FASTKD1: variants seen among roughly 807,000 people sequenced by gnomAD.
The protein encoded by FASTKD1 is FAST kinase domain-containing protein 1, mitochondrial.
FASTKD1 carries 94 observed loss-of-function variants against 90.9 expected under a neutral mutation model. That is an observed-to-expected ratio of 1.03 (90% confidence interval 0.88 to 1.23). FASTKD1 has a LOEUF of 1.23. Ranked by LOEUF, FASTKD1 falls within the 50% of genes most tolerant of loss-of-function variation. The pLI, the probability that FASTKD1 is intolerant of heterozygous loss-of-function variation, is 0.00. For missense variants in FASTKD1, 945 were observed against 993.5 expected, an observed-to-expected ratio of 0.95 and a Z score of 0.66; for synonymous variants, 319 against 345.8, an observed-to-expected ratio of 0.92 and a Z score of 0.86.
chr2:169,562,670 T>C (rs1443973709), intron 4 of FASTKD1, among the ~76,000 whole-genome samples: 1 of 152,148 alleles, frequency 6.6e-6, no homozygotes, highest in Non-Finnish European at 1.5e-5. Flanking sequence ...CTGACTGCCT[T>C]TGTTCAGAAC....
chr2:169,545,673 C>A (rs1270913504), intron 8 of FASTKD1, among the ~76,000 whole-genome samples: 2 of 152,172 alleles, frequency 1.3e-5, no homozygotes, highest in Admixed American at 6.5e-5. Context: ...TCTCAGTTTT[C>A]AAGCTTATCT....
In FASTKD1 at chr2:169,530,627, T is replaced by A; in HGVS notation, c.2402A>T (p.Lys801Ile). 4 of 1,609,792 alleles carry A rather than the reference T, an allele frequency of 2.5e-6. No individual in the cohort carries two copies. Among genetic ancestry groups the A allele is most frequent in the Non-Finnish European group, 3.4e-6 (4 of 1,178,812 alleles). ...IPHMKGKSAM[K>I]KRHLEILGYR... ...CCCCAGAATTTCCAAATGTCGTTTT[T>A]TCATAGCAGATTTTCCTTTCATGTG... The change falls in exon 14 of 15, where the codon AAA (lysine) becomes ATA (isoleucine). Residue 801 changes from lysine (K) to isoleucine (I), a missense_variant. Transcript: ENST00000453153.
chr2:169,544,596 CTT>C (rs1685102190), intron 9 of FASTKD1, 123 bp downstream of exon 9: 1 of 652,422 alleles, frequency 1.5e-6, no homozygotes, highest in African/African-American at 1.9e-5. Context: ...AACAAAAAAC[CTT>C]TTTTTAGGTA....
At position 169,531,473 on chromosome 2, in the gene FASTKD1, CCAAGATA is replaced by C. The variant is rs766998619; in HGVS notation, c.2199_2205del (p.Cys733TrpfsTer15). 6.2e-7 allele frequency: 1 copy of C among 1,605,694 alleles called. No homozygotes were observed. Among genetic ancestry groups the C allele is most frequent in the Non-Finnish European group, 8.5e-7 (1 of 1,177,694 alleles). ...TACGGAAGAGGTTTTTTTCTTTTATCCAAGATACACTCAAAATCTTAAGGAAGCATAG... is the reference window on the plus strand; with the variant it reads ...TACGGAAGAGGTTTTTTTCTTTTATCCACTCAAAATCTTAAGGAAGCATAG... On this transcript the variant is annotated frameshift_variant, in exon 13 of 15. Coordinates refer to ENST00000453153, the MANE Select transcript of FASTKD1 (RefSeq NM_024622.6). LOFTEE classifies it high-confidence loss of function.
chr2:169,531,026 T>C (rs763446561), intron 13 of FASTKD1: 1 of 664,956 alleles, frequency 1.5e-6, no homozygotes, highest in Non-Finnish European at 2.8e-6. Flanking sequence ...ACATGATGTA[T>C]AGTAAGTTAC....
intron 9 of FASTKD1, 68 bp downstream of exon 9, chr2:169,544,653 T>C (rs1685104220): frequency 2.3e-6 from 2 of 860,782 alleles, no homozygotes; most frequent in Non-Finnish European, 3.9e-6. Context: ...GAGGGACATC[T>C]CCTAGCTCAG....
intron 9 of FASTKD1, among the ~76,000 whole-genome samples, chr2:169,540,906 G>C (rs1684931835): frequency 6.6e-6 from 1 of 152,160 alleles, no homozygotes; most frequent in South Asian, 2.1e-4. Flanking sequence ...CAGCAGCATG[G>C]CAGATGCCCC....
At chr2:169,534,085 C>T (rs1684611539) in intron 12 of FASTKD1, among the ~76,000 whole-genome samples, 1 of 143,376 alleles carries the variant, frequency 7.0e-6, no homozygotes, top group Admixed American at 7.5e-5. Flanking sequence ...GTGGGAGAAT[C>T]ACTTGAGCTC....
At chr2:169,539,124 C>T (rs1330389041) in intron 10 of FASTKD1, among the ~76,000 whole-genome samples, 1 of 151,592 alleles carries the variant, frequency 6.6e-6, no homozygotes, top group African/African-American at 2.4e-5. Flanking sequence ...AAAAATTAGC[C>T]GGGCATGGTG....
At chr2:169,561,686 C>A (rs1332179590) in intron 4 of FASTKD1, among the ~76,000 whole-genome samples, 1 of 147,236 alleles carries the variant, frequency 6.8e-6, no homozygotes, top group African/African-American at 2.5e-5. Flanking sequence ...TAAATTAATC[C>A]ATTATAAATT....
intron 12 of FASTKD1, among the ~76,000 whole-genome samples, chr2:169,533,159 C>T (rs955729183): frequency 3.9e-5 from 6 of 151,968 alleles, no homozygotes; most frequent in Non-Finnish European, 8.8e-5. Context: ...TGTCTACTTA[C>T]GTTAAATTTC....
chr2:169,570,650 A>G (rs1355783722), intron 2 of FASTKD1, among the ~76,000 whole-genome samples: 1 of 151,432 alleles, frequency 6.6e-6, no homozygotes, highest in East Asian at 1.9e-4. Context: ...AAAATTTACT[A>G]ATTGCTGATT....
chr2:169,560,636 A>G lies in FASTKD1; in HGVS notation c.722T>C (p.Val241Ala). ...AKSIAKFLRN[V>A]RYRYQPLLER... ...TAATAGTGGTTGATAACGATATCTA[A>G]CATTTCGAAGAAACTTTGCTATGCT... The change falls in exon 5 of 15, where the codon GTT (valine) becomes GCT (alanine). Residue 241 changes from valine to alanine, a missense_variant. Physicochemically the swap from Val to Ala is moderately conservative, Grantham distance 64. Transcript: ENST00000453153. The G allele has an allele frequency of 6.2e-7, 1 of 1,613,014 alleles. No individual in the cohort carries two copies. The highest frequency in any genetic ancestry group is 8.5e-7 in the Non-Finnish European group (1 of 1,179,726).
intron 5 of FASTKD1, among the ~76,000 whole-genome samples, chr2:169,558,588 T>C (rs1574400806): frequency 6.6e-6 from 1 of 152,142 alleles, no homozygotes; most frequent in East Asian, 1.9e-4. Flanking sequence ...TAGCTGAGAT[T>C]ACAGGTGCCC....
chr2:169,537,385 T>C (rs1684768179), intron 11 of FASTKD1, 45 bp from the exon 12 acceptor site: 2 of 703,238 alleles, frequency 2.8e-6, no homozygotes, highest in Non-Finnish European at 2.0e-6. Flanking sequence ...CTTTTTTTTC[T>C]TTTTTTTTTT....
chr2:169,560,468 A>G lies in FASTKD1; in HGVS notation c.890T>C (p.Ile297Thr). 2 of 1,600,978 alleles carry G rather than the reference A, an allele frequency of 1.2e-6. No homozygotes were observed. Among genetic ancestry groups the G allele is most frequent in the East Asian group, 4.5e-5 (2 of 44,730 alleles). ...IMAKKKLTEM[I>T]PLCNHPASFV... Reference sequence around the variant, plus strand: ...GCTAGCAGGATGATTACACAGAGGAATCATTTCAGTTAGCTTCTTTTTAGC... The same window carrying G: ...GCTAGCAGGATGATTACACAGAGGAGTCATTTCAGTTAGCTTCTTTTTAGC... Residue 297 changes from isoleucine to threonine, a missense_variant, in exon 5 of 15, where the codon ATT (isoleucine) becomes ACT (threonine). Transcript: ENST00000453153.
chr2:169,529,865 A>T lies in FASTKD1; in HGVS notation c.2504T>A (p.Leu835Gln), dbSNP rs1279477362. Residue 835 changes from leucine to glutamine, a missense_variant, in exon 15 of 15, where the codon CTG (leucine) becomes CAG (glutamine). Coordinates refer to ENST00000453153, the MANE Select transcript of FASTKD1 (RefSeq NM_024622.6). Reference sequence around the variant, plus strand: ...GACTTCTCCAAATATACATTCTCTCAGGTAGTCCATCCGAGCATCCTTTGT... The same window carrying T: ...GACTTCTCCAAATATACATTCTCTCTGGTAGTCCATCCGAGCATCCTTTGT... ...LSTKDARMDYLRECIFGEVKS... is the reference protein window; with the variant it reads ...LSTKDARMDYQRECIFGEVKS... 6.2e-7 allele frequency: 1 copy of T among 1,613,548 alleles called. No homozygotes were observed. The highest frequency in any genetic ancestry group is 8.5e-7 in the Non-Finnish European group (1 of 1,179,640).
intron 7 of FASTKD1, 138 bp downstream of exon 7, chr2:169,554,986 G>T (rs1683228669): frequency 2.7e-6 from 2 of 736,716 alleles, no homozygotes; most frequent in African/African-American, 1.8e-5. Context: ...CACGGAGGGA[G>T]ATAGTGTCTT....
intron 6 of FASTKD1, 29 bp from the exon 7 acceptor site, chr2:169,555,284 C>A: frequency 1.3e-6 from 2 of 1,573,622 alleles, no homozygotes; most frequent in Non-Finnish European, 1.7e-6. Flanking sequence ...ATATTATAAC[C>A]AGTTCATTCA....
Sources: allele counts gnomAD v4.1 joint callset (sites outside exome capture counted in the v4.1 genomes callset), GRCh38; gene constraint gnomAD v4.1.1; transcripts MANE v1.5; gene names NCBI Gene and HGNC (gene_info 2026-07-23, HGNC 2026-07-21).